The following WHRN variants were observed in gnomAD, a reference collection of about 807,000 sequenced individuals.
The protein encoded by WHRN is CASK-interacting protein CIP98.
In WHRN, 41 loss-of-function variants were observed where a neutral mutation model predicts 68.3. The observed-to-expected ratio is 0.60, with a 90% confidence interval of 0.47 to 0.78. The LOEUF (loss-of-function observed/expected upper bound fraction) is 0.78. Among genes scored for constraint, WHRN ranks in the 30% least tolerant of loss-of-function variants. The pLI is 0.00. For synonymous variants in WHRN, 560 were observed against 561.3 expected (o/e 1.00, Z 0.03); for missense variants, 1,243 against 1,244.7 (o/e 1.00, Z 0.02).
Position 114,439,503 on chromosome 9 carries a change from G to A in WHRN, c.964-13090C>T, listed in dbSNP as rs567308224. Among the ~76,000 whole-genome samples the A allele has an allele frequency of 1.1e-4, 16 of 152,366 alleles. No individual in the cohort carries two copies. The South Asian group carries it at 3.1e-3, about 30-fold the overall frequency. ...GGTAGGTTCTTGATTTCTCACTGTT[G>A]AAGAAATGGGAGAAGCTAGGAAGAA... On this transcript the variant is annotated intron_variant, in intron 3 of 11. Coordinates refer to ENST00000362057, the MANE Select transcript of WHRN (RefSeq NM_015404.4).
chr9:114,488,319 T>C (rs1273017782), intron 1 of WHRN, among the ~76,000 whole-genome samples: 2 of 152,086 alleles, frequency 1.3e-5, no homozygotes, highest in Non-Finnish European at 2.9e-5. Flanking sequence ...GTGGGTAGCA[T>C]TAGTAACAGC....
intron 1 of WHRN, among the ~76,000 whole-genome samples, chr9:114,484,739 G>A (rs1245080654): frequency 4.6e-5 from 7 of 152,194 alleles, no homozygotes; most frequent in African/African-American, 1.7e-4. Context: ...CTGGCAGCAC[G>A]TTATGATTAT....
chr9:114,488,789 C>A (rs1842740224), intron 1 of WHRN, among the ~76,000 whole-genome samples: 1 of 152,208 alleles, frequency 6.6e-6, no homozygotes. Flanking sequence ...CTCCTTCCAT[C>A]TGTACCATTT....
At chr9:114,434,063 C>G (rs1837639833) in intron 3 of WHRN, among the ~76,000 whole-genome samples, 1 of 152,224 alleles carries the variant, frequency 6.6e-6, no homozygotes, top group Non-Finnish European at 1.5e-5. Context: ...AACCTGAGTT[C>G]TTCCCAAAGG....
chr9:114,419,795 G>A (rs1225877446), intron 7 of WHRN, among the ~76,000 whole-genome samples: 1 of 152,200 alleles, frequency 6.6e-6, no homozygotes, highest in Non-Finnish European at 1.5e-5. Context: ...TCAGAGAGGT[G>A]AAACCACTTC....
intron 3 of WHRN, among the ~76,000 whole-genome samples, chr9:114,445,308 C>T (rs1485916374): frequency 6.6e-6 from 1 of 152,158 alleles, no homozygotes; most frequent in African/African-American, 2.4e-5. Flanking sequence ...ACCCAAAGTT[C>T]TGGGATTACA....
At chr9:114,444,795 A>T (rs1589149698) in intron 3 of WHRN, among the ~76,000 whole-genome samples, 1 of 150,296 alleles carries the variant, frequency 6.7e-6, no homozygotes, top group Admixed American at 6.7e-5. Flanking sequence ...CTATATATAT[A>T]ATATATATAT....
At chr9:114,494,410 T>C (rs1181923857) in intron 1 of WHRN, among the ~76,000 whole-genome samples, 1 of 152,230 alleles carries the variant, frequency 6.6e-6, no homozygotes, top group Non-Finnish European at 1.5e-5. Flanking sequence ...TGAGGAAACC[T>C]GAACAGAGAA....
At chr9:114,417,421 A>G (rs1452758860) in intron 7 of WHRN, among the ~76,000 whole-genome samples, 1 of 152,230 alleles carries the variant, frequency 6.6e-6, no homozygotes, top group Non-Finnish European at 1.5e-5. Context: ...GAATGTTTAG[A>G]AGGCCGCATA....
At position 114,404,003 on chromosome 9, in the gene WHRN, C is replaced by A; in HGVS notation, c.2311G>T (p.Ala771Ser). ...CCTCGGCCTGGGGCGCTGGCCTCTG[C>A]CTCGCCAGCATCCACACCACTGTCC... is the stretch of plus-strand genomic sequence containing the variant. Reference protein sequence around the residue: ...SEDSGVDAGEAEASAPGRGRQ... With the variant: ...SEDSGVDAGESEASAPGRGRQ... The change falls in exon 10 of 12, where the codon GCA (alanine) becomes TCA (serine). Residue 771 changes from alanine to serine, a missense_variant. Ala to Ser is a moderately conservative substitution (Grantham distance 99). Coordinates refer to ENST00000362057, the MANE Select transcript of WHRN (RefSeq NM_015404.4). 6.2e-7 allele frequency: 1 copy of A among 1,613,040 alleles called. No individual in the cohort carries two copies. Among genetic ancestry groups the A allele is most frequent in the Non-Finnish European group, 8.5e-7 (1 of 1,180,030 alleles).
At chr9:114,407,213 C>T (rs532430911) in intron 8 of WHRN, among the ~76,000 whole-genome samples, 4 of 152,210 alleles carry the variant, frequency 2.6e-5, no homozygotes, top group African/African-American at 7.2e-5. Flanking sequence ...GATGGAAATA[C>T]AAAAAATGCA....
At chr9:114,424,615 C>T (rs1836644751) in intron 5 of WHRN, 69 bp from the exon 6 acceptor site, 2 of 1,454,574 alleles carry the variant, frequency 1.4e-6, no homozygotes, top group Non-Finnish European at 1.9e-6. Flanking sequence ...ATGCCACTCC[C>T]CCTCTGCCCT....
At chr9:114,456,377 G>T (rs1839798962) in intron 3 of WHRN, among the ~76,000 whole-genome samples, 2 of 145,962 alleles carry the variant, frequency 1.4e-5, no homozygotes, top group African/African-American at 5.1e-5. Context: ...TCTTACAAAT[G>T]ATTTCCATAA....
At chr9:114,472,910 A>G (rs1056105618) in intron 2 of WHRN, among the ~76,000 whole-genome samples, 2 of 152,206 alleles carry the variant, frequency 1.3e-5, no homozygotes, top group African/African-American at 4.8e-5. Context: ...CGGAAGCTTA[A>G]GTGACTCATC....
chr9:114,406,841 G>C lies in WHRN; in HGVS notation c.1750C>G (p.Arg584Gly). 1 of 1,603,694 alleles carries C rather than the reference G, an allele frequency of 6.2e-7. No homozygotes were observed. Among genetic ancestry groups the C allele is most frequent in the East Asian group, 2.3e-5 (1 of 44,348 alleles). Reference protein sequence around the residue: ...QGLSSFKPLPRPPPLAQGNDL... With the variant: ...QGLSSFKPLPGPPPLAQGNDL... ...TTGCCTTGGGCCAGAGGTGGTGGGCGAGGCAGTGGCTTGAAGCTTGACAGC... is the reference window on the plus strand; with the variant it reads ...TTGCCTTGGGCCAGAGGTGGTGGGCCAGGCAGTGGCTTGAAGCTTGACAGC... Residue 584 changes from arginine (R) to glycine (G), a missense_variant, in exon 9 of 12, where the codon CGC becomes GGC. Arg to Gly is a moderately radical substitution (Grantham distance 125, BLOSUM62 -2). Coordinates refer to ENST00000362057, the MANE Select transcript of WHRN (RefSeq NM_015404.4).
At position 114,478,635 on chromosome 9, in the gene WHRN, T is replaced by C. The variant is rs775318496; in HGVS notation, c.755A>G (p.Gln252Arg). Residue 252 changes from glutamine (Q) to arginine (R), a missense_variant, in exon 2 of 12, where the codon CAG becomes CGG. Physicochemically the swap from Gln to Arg is conservative, Grantham distance 43 (BLOSUM62 1). Transcript: ENST00000362057. Reference protein sequence around the residue: ...RSISPPSGLPQPHGGALRQQE... With the variant: ...RSISPPSGLPRPHGGALRQQE... The stretch of plus-strand genomic sequence containing the variant: ...CTGCCTCAGGGCACCACCGTGGGGC[T>C]GGGGCAGGCCCGAGGGTGGGGAGAT... The C allele has an allele frequency of 1.2e-6, 2 of 1,613,822 alleles. No homozygotes were observed. The highest frequency in any genetic ancestry group is 2.2e-5 in the South Asian group (2 of 91,012).
At chr9:114,428,715 C>T (rs1020677997) in intron 3 of WHRN, among the ~76,000 whole-genome samples, 5 of 152,158 alleles carry the variant, frequency 3.3e-5, no homozygotes, top group African/African-American at 1.2e-4. Flanking sequence ...GCCATCCTTT[C>T]CCTGACCCTG....
intron 3 of WHRN, among the ~76,000 whole-genome samples, chr9:114,450,205 T>A (rs1272130752): frequency 1.3e-5 from 2 of 152,180 alleles, no homozygotes; most frequent in African/African-American, 4.8e-5. Flanking sequence ...GAAATTGTCA[T>A]CCTACCTTCT....
At chr9:114,423,708 T>C (rs752972483) in intron 6 of WHRN, among the ~76,000 whole-genome samples, 185 bp from the exon 7 acceptor site, 13 of 152,110 alleles carry the variant, frequency 8.5e-5, no homozygotes, top group Non-Finnish European at 1.8e-4. Context: ...CCCAGCATCA[T>C]CTCACTCCTG....
Sources: gnomAD v4.1 joint callset for allele counts (sites outside exome capture counted in the v4.1 genomes callset) on GRCh38, gnomAD v4.1.1 for gene constraint, MANE v1.5 for transcripts, NCBI Gene and HGNC (gene_info 2026-07-23, HGNC 2026-07-21) for gene names.